Variants in ATP9B observed in about 807,000 individuals in gnomAD.
The protein encoded by ATP9B is probable phospholipid-transporting ATPase IIB.
In ATP9B, 110 loss-of-function variants were observed where a neutral mutation model predicts 146.1. The ratio of observed to expected loss-of-function variants is 0.75; its 90% CI spans 0.65 to 0.88. ATP9B has a LOEUF of 0.88. Ranked by LOEUF, ATP9B falls within the 40% of genes least tolerant of loss-of-function variation. The probability of loss-of-function intolerance (pLI) is 0.00; values close to 1 mark genes in which losing one functional copy is unlikely to be tolerated. For missense variants in ATP9B, 1,499 were observed against 1,496.4 expected (o/e 1.00, Z -0.03); for synonymous variants, 604 against 569.7 (o/e 1.06, Z -0.86).
intron 15 of ATP9B, among the ~76,000 whole-genome samples, chr18:79,312,208 G>A (rs1311824162): frequency 6.6e-6 from 1 of 152,202 alleles, no homozygotes; most frequent in Admixed American, 6.5e-5. Context: ...GGCCACATCA[G>A]TAATTCATGA....
chr18:79,190,832 C>T (rs2095359090), intron 8 of ATP9B, among the ~76,000 whole-genome samples: 1 of 152,142 alleles, frequency 6.6e-6, no homozygotes, highest in Non-Finnish European at 1.5e-5. Flanking sequence ...AGGCATGAGC[C>T]ACCGTGCCTG....
intron 15 of ATP9B, among the ~76,000 whole-genome samples, chr18:79,327,896 TTAGCGTGCTCTCCGTGGG>T (rs1568701459): frequency 2.4e-4 from 11 of 46,748 alleles, no homozygotes; most frequent in Non-Finnish European, 2.9e-4. Flanking sequence ...CTCTCCGTGG[TTAGCGTGCTCTCCGTGGG>T]TAGCGTGCTC....
intron 8 of ATP9B, among the ~76,000 whole-genome samples, chr18:79,189,735 T>C (rs2095344808): frequency 6.6e-6 from 1 of 152,372 alleles, no homozygotes; most frequent in South Asian, 2.1e-4. Context: ...TCTGAAATGG[T>C]GGGCAGCCAC....
intron 11 of ATP9B, among the ~76,000 whole-genome samples, chr18:79,236,879 C>G (rs1372602045): frequency 9.2e-6 from 1 of 109,222 alleles, no homozygotes; most frequent in Non-Finnish European, 1.9e-5. Context: ...GAGTCAGTGT[C>G]CACACCTGCC....
At chr18:79,177,931 T>A (rs941560172) in intron 8 of ATP9B, among the ~76,000 whole-genome samples, 1 of 152,210 alleles carries the variant, frequency 6.6e-6, no homozygotes, top group Non-Finnish European at 1.5e-5. Context: ...ATACTATGCA[T>A]AATTTATATG....
At chr18:79,153,653 CTTTT>C (rs10618228) in intron 6 of ATP9B, among the ~76,000 whole-genome samples, 3 of 143,110 alleles carry the variant, frequency 2.1e-5, no homozygotes, top group Admixed American at 7.0e-5. Flanking sequence ...AGACATAAAG[CTTTT>C]TTTTTTTTTT....
At chr18:79,212,476 C>A (rs2095593468) in intron 10 of ATP9B, among the ~76,000 whole-genome samples, 1 of 152,154 alleles carries the variant, frequency 6.6e-6, no homozygotes, top group Non-Finnish European at 1.5e-5. Flanking sequence ...TCTTGCAAAG[C>A]CTTTTCTGAG....
At chr18:79,084,440 C>A (rs2073609555) in intron 1 of ATP9B, among the ~76,000 whole-genome samples, 2 of 151,294 alleles carry the variant, frequency 1.3e-5, no homozygotes, top group African/African-American at 4.9e-5. Flanking sequence ...ACACATTTCC[C>A]AAAATAGAAA....
intron 17 of ATP9B, among the ~76,000 whole-genome samples, chr18:79,332,634 C>T (rs1600107709): frequency 6.6e-6 from 1 of 152,010 alleles, no homozygotes; most frequent in Non-Finnish European, 1.5e-5. Context: ...GCAGGAGGGG[C>T]AAGCTCACTC....
chr18:79,201,072 CAAAG>C (rs779684201), intron 9 of ATP9B, among the ~76,000 whole-genome samples: 13 of 152,162 alleles, frequency 8.5e-5, no homozygotes, highest in Non-Finnish European at 1.6e-4. Context: ...CTGTGCCACT[CAAAG>C]AGAGAAACTT....
At chr18:79,369,532 CAAAA>C (rs67043260) in intron 26 of ATP9B, among the ~76,000 whole-genome samples, 1 of 87,986 alleles carries the variant, frequency 1.1e-5, no homozygotes. Flanking sequence ...GAGTCCGTCT[CAAAA>C]AAAAAAAAAA....
chr18:79,154,060 G>A (rs1432315734), intron 6 of ATP9B, among the ~76,000 whole-genome samples: 2 of 148,480 alleles, frequency 1.3e-5, no homozygotes, highest in Admixed American at 6.8e-5. Context: ...CCGGGTTCAC[G>A]CCATTCTCCT....
Position 79,170,488 on chromosome 18 carries a change from T to C in ATP9B, c.779-6325T>C, listed in dbSNP as rs548959140. Among the ~76,000 whole-genome samples, 6 of 152,354 alleles carry C rather than the reference T, an allele frequency of 3.9e-5. No individual in the cohort carries two copies. The South Asian group carries it at 1.2e-3, about 32-fold the overall frequency. ...CAAATGTTTGAGTCACACTTTTAGG[T>C]TGGCCTTTTCATTATTTAATCTAAA... On this transcript the variant is annotated intron_variant, in intron 7 of 29. Transcript: ENST00000426216.
In ATP9B at chr18:79,110,412, A is replaced by G. The variant is rs617472; in HGVS notation, c.351A>G (p.Thr117=). ...CRRKKELKAR[T]VWLGCPEKCE... ...GAAAGAAAGAGCTGAAAGCTCGCAC[A>G]GTATGGCTTGGATGTCCTGAAAAGT... The change falls in exon 3 of 30, where the codon ACA becomes ACG. Residue 117 remains threonine, a synonymous_variant. Coordinates refer to ENST00000426216, the MANE Select transcript of ATP9B (RefSeq NM_198531.5). 25 of 1,611,604 alleles carry G rather than the reference A, an allele frequency of 1.6e-5. No homozygotes were observed. The highest frequency in any genetic ancestry group is 2.1e-5 in the Non-Finnish European group (25 of 1,178,484).
Position 79,181,571 on chromosome 18 carries a change from G to C in ATP9B, c.873+4664G>C, listed in dbSNP as rs1275655223. On this transcript the variant is annotated intron_variant, in intron 8 of 29. Transcript: ENST00000426216. ...AGTGGTTAGATTCCCACATGCCATT[G>C]ATGCTCTCTTACTCTTCTTTTTCTC... is the stretch of plus-strand genomic sequence containing the variant. Among the ~76,000 whole-genome samples the C allele has an allele frequency of 3.9e-5, 6 of 152,082 alleles. No homozygotes were observed. In the East Asian group the frequency reaches 1.2e-3, roughly 29 times the overall value.
intron 8 of ATP9B, among the ~76,000 whole-genome samples, chr18:79,182,813 A>G (rs1485122817): frequency 1.3e-5 from 2 of 152,172 alleles, no homozygotes; most frequent in African/African-American, 2.4e-5. Context: ...GTAGGGATCT[A>G]CCTGCTGGGA....
intron 21 of ATP9B, 74 bp downstream of exon 21, chr18:79,344,428 G>T: frequency 7.2e-7 from 1 of 1,383,256 alleles, no homozygotes; most frequent in Admixed American, 1.8e-5. Flanking sequence ...CTGAGTGTCT[G>T]TTTGTCTCTC....
At chr18:79,085,184 T>A (rs1481024454) in intron 1 of ATP9B, 2 of 152,146 alleles carry the variant, frequency 1.3e-5, no homozygotes, top group Admixed American at 1.3e-4. Context: ...CCCAGACTTT[T>A]ATAAACAACC....
At chr18:79,256,286 T>TATATATATATACACAC (rs398033647) in intron 12 of ATP9B, among the ~76,000 whole-genome samples, 1 of 123,074 alleles carries the variant, frequency 8.1e-6, no homozygotes, top group African/African-American at 3.2e-5. Context: ...TATATATATA[T>TATATATATATACACAC]ACATACATAG....
Sources: gnomAD v4.1 joint callset for allele counts (sites outside exome capture counted in the v4.1 genomes callset) on GRCh38, gnomAD v4.1.1 for gene constraint, MANE v1.5 for transcripts, NCBI Gene and HGNC (gene_info 2026-07-23, HGNC 2026-07-21) for gene names.